The following GALNT17 variants were observed in gnomAD, a reference collection of about 807,000 sequenced individuals.
The protein encoded by GALNT17 is polypeptide N-acetylgalactosaminyltransferase 17.
Under a neutral mutation model 63.7 loss-of-function variants are expected in GALNT17, and 29 were observed. That is an observed-to-expected ratio of 0.46 (90% CI 0.34 to 0.62). The LOEUF (loss-of-function observed/expected upper bound fraction) is 0.62. GALNT17 is among the 20% of genes least tolerant of loss of function. The probability of loss-of-function intolerance (pLI) is 0.01; values close to 1 mark genes in which losing one functional copy is unlikely to be tolerated. For synonymous variants in GALNT17, 305 were observed against 318.3 expected (o/e 0.96, Z 0.45); for missense variants, 603 against 799.6 (o/e 0.75, Z 2.97).
intron 9 of GALNT17, among the ~76,000 whole-genome samples, chr7:71,689,255 A>T (rs1453990719): frequency 6.6e-6 from 1 of 152,136 alleles, no homozygotes; most frequent in Non-Finnish European, 1.5e-5. Flanking sequence ...GGCCTCTAAA[A>T]GCTTTAGTGA....
intron 1 of GALNT17, among the ~76,000 whole-genome samples, chr7:71,270,731 C>T (rs772705901): frequency 2.7e-5 from 4 of 150,780 alleles, no homozygotes; most frequent in Non-Finnish European, 1.5e-5. Context: ...GCTGAGTGGA[C>T]GGATGAAAAA....
At position 71,520,421 on chromosome 7, in the gene GALNT17, G is replaced by A. The variant is rs1562673884; in HGVS notation, c.963-50864G>A. Among the ~76,000 whole-genome samples, 8 of 152,220 alleles carry A rather than the reference G, an allele frequency of 5.3e-5. No individual in the cohort carries two copies. In the South Asian group the frequency reaches 1.7e-3, roughly 32 times the overall value. On this transcript the variant is annotated intron_variant, in intron 5 of 10. Coordinates refer to ENST00000333538, the MANE Select transcript of GALNT17 (RefSeq NM_022479.3). ...ACCTGTAATCCCAGCTACTCAGGAG[G>A]CAGAGGCAGGAGAATTGCTTGAACC...
At chr7:71,336,441 C>T (rs1476829067) in intron 2 of GALNT17, among the ~76,000 whole-genome samples, 1 of 152,118 alleles carries the variant, frequency 6.6e-6, no homozygotes, top group Non-Finnish European at 1.5e-5. Flanking sequence ...GCGTACAGAT[C>T]ATTTCATCTC....
chr7:71,629,275 G>T (rs1365490730), intron 6 of GALNT17, among the ~76,000 whole-genome samples: 1 of 152,098 alleles, frequency 6.6e-6, no homozygotes, highest in East Asian at 1.9e-4. Context: ...CCAGCCAGGA[G>T]CCAGCCCACA....
intron 5 of GALNT17, among the ~76,000 whole-genome samples, chr7:71,528,720 A>C (rs970083184): frequency 6.6e-6 from 1 of 152,200 alleles, no homozygotes; most frequent in Non-Finnish European, 1.5e-5. Flanking sequence ...CTCAGAAATC[A>C]CCACTAAAGA....
intron 1 of GALNT17, among the ~76,000 whole-genome samples, chr7:71,263,660 A>C (rs369611276): frequency 1.3e-5 from 2 of 152,108 alleles, no homozygotes; most frequent in African/African-American, 2.4e-5. Flanking sequence ...GCGGTGGCTC[A>C]TGCCTGTAAT....
intron 1 of GALNT17, among the ~76,000 whole-genome samples, chr7:71,186,448 C>T (rs1478991070): frequency 6.6e-6 from 1 of 152,230 alleles, no homozygotes; most frequent in African/African-American, 2.4e-5. Context: ...CCTCCTGGGG[C>T]AGGCCCAACT....
chr7:71,493,343 C>G (rs1788041396), intron 5 of GALNT17, among the ~76,000 whole-genome samples: 1 of 152,232 alleles, frequency 6.6e-6, no homozygotes, highest in South Asian at 2.1e-4. Flanking sequence ...ATCACGCTCC[C>G]TGGTAAAGAG....
intron 1 of GALNT17, among the ~76,000 whole-genome samples, chr7:71,290,546 G>A (rs1018200410): frequency 1.3e-5 from 2 of 152,136 alleles, no homozygotes; most frequent in Admixed American, 6.5e-5. Flanking sequence ...CCCAGGCCTG[G>A]CACAGCATTA....
rs546973 is a variant in GALNT17, at chr7:71,712,260, G to C, written c.*114G>C. On this transcript the variant is annotated 3_prime_UTR_variant, in exon 11 of 11. Coordinates refer to ENST00000333538, the MANE Select transcript of GALNT17 (RefSeq NM_022479.3). ...CAAGGGGCCGGCAGGTGCTCGATGGGCCCCCCAGGGCTTCTCCAGGGCAGC... is the reference window on the plus strand; with the variant it reads ...CAAGGGGCCGGCAGGTGCTCGATGGCCCCCCCAGGGCTTCTCCAGGGCAGC... The C allele has an allele frequency of 7.0e-7, 1 of 1,436,210 alleles. No homozygotes were observed. The highest frequency in any genetic ancestry group is 9.2e-7 in the Non-Finnish European group (1 of 1,085,252). 89.0% of individuals were successfully genotyped at this position (1,436,210 alleles called of 1,614,324 possible).
chr7:71,218,281 C>A (rs1397845777), intron 1 of GALNT17, among the ~76,000 whole-genome samples: 1 of 152,086 alleles, frequency 6.6e-6, no homozygotes, highest in Non-Finnish European at 1.5e-5. Flanking sequence ...GTAATCCCAG[C>A]TACTTGAGAG....
chr7:71,157,494 C>G (rs1213613739), intron 1 of GALNT17, among the ~76,000 whole-genome samples: 1 of 151,604 alleles, frequency 6.6e-6, no homozygotes, highest in African/African-American at 2.4e-5. Context: ...CCTGTCTCTT[C>G]AGAGAATACA....
intron 9 of GALNT17, among the ~76,000 whole-genome samples, chr7:71,701,452 A>G (rs1047725882): frequency 1.3e-5 from 2 of 151,828 alleles, no homozygotes; most frequent in Non-Finnish European, 2.9e-5. Context: ...ACGCCATTGT[A>G]CTCCAGCCTG....
intron 5 of GALNT17, among the ~76,000 whole-genome samples, chr7:71,542,710 A>AAAAAAAAAAAAAT (rs1562683507): frequency 1.6e-4 from 25 of 151,532 alleles, no homozygotes; most frequent in African/African-American, 6.1e-4. Flanking sequence ...AAAAAAAAAA[A>AAAAAAAAAAAAAT]AGATAACGAT....
At chr7:71,611,478 T>C (rs1790124719) in intron 6 of GALNT17, among the ~76,000 whole-genome samples, 1 of 152,170 alleles carries the variant, frequency 6.6e-6, no homozygotes, top group South Asian at 2.1e-4. Flanking sequence ...CTTTGTCTTC[T>C]TCCCAATAGC....
intron 2 of GALNT17, among the ~76,000 whole-genome samples, chr7:71,352,756 C>T (rs1434398207): frequency 1.3e-5 from 2 of 151,820 alleles, no homozygotes; most frequent in African/African-American, 2.4e-5. Flanking sequence ...AAATTTAGAA[C>T]GTGGGTAGAG....
At chr7:71,711,958 T>C (rs1562745912) in intron 10 of GALNT17, 60 bp from the exon 11 acceptor site, 4 of 1,573,676 alleles carry the variant, frequency 2.5e-6, no homozygotes, top group Non-Finnish European at 3.5e-6. Flanking sequence ...TCTCTATATC[T>C]CTCGCTGTCT....
At chr7:71,275,251 G>A (rs1247256994) in intron 1 of GALNT17, among the ~76,000 whole-genome samples, 1 of 152,140 alleles carries the variant, frequency 6.6e-6, no homozygotes, top group Non-Finnish European at 1.5e-5. Context: ...AATAAATGCA[G>A]CATCACCTGC....
At chr7:71,203,126 T>G (rs1789206395) in intron 1 of GALNT17, among the ~76,000 whole-genome samples, 1 of 152,224 alleles carries the variant, frequency 6.6e-6, no homozygotes, top group African/African-American at 2.4e-5. Flanking sequence ...CTGATATCTT[T>G]TCAACATACT....
Sources: allele counts gnomAD v4.1 joint callset (sites outside exome capture counted in the v4.1 genomes callset), GRCh38; gene constraint gnomAD v4.1.1; transcripts MANE v1.5; gene names NCBI Gene and HGNC (gene_info 2026-07-23, HGNC 2026-07-21).